Variants in KMO observed in about 807,000 individuals in gnomAD.
KMO encodes kynurenine 3-monooxygenase.
Under a neutral mutation model 57.8 loss-of-function variants are expected in KMO, and 24 were observed. The observed-to-expected ratio is 0.42, with a 90% CI of 0.30 to 0.58. KMO has a LOEUF of 0.58. Among genes scored for constraint, KMO ranks in the 20% least tolerant of loss-of-function variants. The pLI, the probability that KMO is intolerant of heterozygous loss-of-function variation, is 0.22. For synonymous variants in KMO, 210 were observed against 193.6 expected (o/e 1.08, Z -0.70); for missense variants, 483 against 588.2 (o/e 0.82, Z 1.85).
intron 1 of KMO, among the ~76,000 whole-genome samples, chr1:241,534,179 A>T (rs1014695708): frequency 1.3e-5 from 2 of 152,256 alleles, no homozygotes; most frequent in South Asian, 2.1e-4. Flanking sequence ...TTGGACCATT[A>T]TGTGGAGAAT....
intron 8 of KMO, 61 bp from the exon 9 acceptor site, chr1:241,566,430 A>T (rs946546823): frequency 8.5e-5 from 132 of 1,559,774 alleles, no homozygotes; most frequent in Non-Finnish European, 6.9e-6. Flanking sequence ...TTCAGGAGCC[A>T]CCTAGTGCCA....
At chr1:241,537,724 T>C (rs1301554489) in intron 1 of KMO, among the ~76,000 whole-genome samples, 2 of 152,084 alleles carry the variant, frequency 1.3e-5, no homozygotes, top group African/African-American at 4.8e-5. Flanking sequence ...ATGTCTTACA[T>C]GGTGGCAGGC....
intron 1 of KMO, 84 bp from the exon 2 acceptor site, chr1:241,548,745 C>T (rs1661250612): frequency 2.6e-6 from 2 of 774,048 alleles, no homozygotes; most frequent in African/African-American, 3.5e-5. Context: ...TAAAACATAG[C>T]CTCACATGAT....
intron 1 of KMO, among the ~76,000 whole-genome samples, chr1:241,536,167 C>T (rs1443344166): frequency 3.3e-5 from 5 of 151,782 alleles, no homozygotes; most frequent in African/African-American, 1.2e-4. Flanking sequence ...CAATGAGTAA[C>T]TTAAAAAAGG....
chr1:241,571,732 G>A (rs936872540), intron 10 of KMO, among the ~76,000 whole-genome samples: 1 of 151,918 alleles, frequency 6.6e-6, no homozygotes, highest in Non-Finnish European at 1.5e-5. Flanking sequence ...AGAGATATTG[G>A]CATGCAGTTT....
At chr1:241,542,775 A>C (rs887049135) in intron 1 of KMO, among the ~76,000 whole-genome samples, 1 of 152,234 alleles carries the variant, frequency 6.6e-6, no homozygotes, top group Non-Finnish European at 1.5e-5. Flanking sequence ...TGCGCTTAGC[A>C]TGCTTTACAC....
At position 241,561,548 on chromosome 1, in the gene KMO, T is replaced by C. The variant is rs369335773; in HGVS notation, c.450-619T>C. ...TCTCATTCCTGCACATGTAATATAA[T>C]GTGTTGCCATCACCTCATCCCTGTT... On this transcript the variant is annotated intron_variant, in intron 6 of 14. Transcript: ENST00000366559. Among the ~76,000 whole-genome samples, 7 of 152,336 alleles carry C rather than the reference T, an allele frequency of 4.6e-5. No individual in the cohort carries two copies. The South Asian group carries it at 1.5e-3, about 32-fold the overall frequency.
intron 1 of KMO, among the ~76,000 whole-genome samples, chr1:241,539,782 G>C (rs949820469): frequency 1.3e-5 from 2 of 152,148 alleles, no homozygotes; most frequent in African/African-American, 4.8e-5. Context: ...AGGAGCCAAC[G>C]GGGCAGGTAG....
chr1:241,557,722 G>A (rs1385854617), intron 5 of KMO, among the ~76,000 whole-genome samples: 2 of 152,162 alleles, frequency 1.3e-5, no homozygotes, highest in African/African-American at 4.8e-5. Context: ...CAGCACCTTG[G>A]TAGGCTGAGG....
chr1:241,559,166 C>A (rs537621863), intron 5 of KMO, among the ~76,000 whole-genome samples: 14 of 151,746 alleles, frequency 9.2e-5, no homozygotes, highest in Non-Finnish European at 1.6e-4. Context: ...TAATCAATAT[C>A]AGAAAGTTAT....
Position 241,592,361 on chromosome 1 carries a change from TACAC to T in KMO, c.*213_*216del. 1 of 571,926 alleles carries T rather than the reference TACAC, an allele frequency of 1.7e-6. No homozygotes were observed. The highest frequency in any genetic ancestry group is 1.9e-5 in the African/African-American group (1 of 53,370). The allele number at this position is 571,926 out of a possible 1,614,324, so 35.4% of individuals were successfully genotyped here. ...GATGAAACATGCAGCTTCCCTACAT[TACAC>T]ACACTCAGGTTGAGTCATTCTAACT... is the stretch of plus-strand genomic sequence containing the variant. On this transcript the variant is annotated 3_prime_UTR_variant, in exon 15 of 15. Transcript: ENST00000366559.
rs115683925 is a variant in KMO at position 241,554,127 on chromosome 1, T to C, written c.313-1485T>C. Among the ~76,000 whole-genome samples the C allele has an allele frequency of 2.9e-3, 444 of 152,332 alleles. 2 individuals are homozygous for C. Among genetic ancestry groups the C allele is most frequent in the African/African-American group, 0.01 (423 of 41,576 alleles). The stretch of plus-strand genomic sequence containing the variant: ...ATGGGCTCCTTTTCTAGAAAAAGGA[T>C]AAATATTAAAAATTAGATTTTATGG... On this transcript the variant is annotated intron_variant, in intron 4 of 14. Coordinates refer to ENST00000366559, the MANE Select transcript of KMO (RefSeq NM_003679.5).
chr1:241,572,262 T>A (rs542602166), intron 10 of KMO, among the ~76,000 whole-genome samples: 80 of 152,274 alleles, frequency 5.3e-4, no homozygotes, highest in African/African-American at 1.9e-3. Flanking sequence ...ACTGCTTCTA[T>A]CTTGTTACTT....
chr1:241,588,932 A>G (rs539834531), intron 12 of KMO, 102 bp downstream of exon 12: 5 of 758,096 alleles, frequency 6.6e-6, no homozygotes, highest in East Asian at 2.6e-5. Flanking sequence ...CATGCATGCT[A>G]TATAAGAATA....
chr1:241,592,752 T>C lies in KMO; in HGVS notation c.*599T>C, dbSNP rs2147989964. The C allele has an allele frequency of 7.7e-6, 1 of 130,254 alleles. No individual in the cohort carries two copies. Among genetic ancestry groups the C allele is most frequent in the East Asian group, 2.4e-4 (1 of 4,222 alleles). 8.1% of individuals were successfully genotyped at this position (130,254 alleles called of 1,614,324 possible). A position where few individuals can be genotyped will look rare whatever the true frequency, so the allele number is the denominator to read the frequency against. The stretch of plus-strand genomic sequence containing the variant: ...TCTATCTATCATCTATCTATCTATC[T>C]ATCATCTATCTATCTATCTATCTAT... On this transcript the variant is annotated 3_prime_UTR_variant, in exon 15 of 15. Coordinates refer to ENST00000366559, the MANE Select transcript of KMO (RefSeq NM_003679.5).
intron 12 of KMO, 121 bp downstream of exon 12, chr1:241,588,951 T>A: frequency 3.0e-6 from 2 of 668,158 alleles, no homozygotes; most frequent in East Asian, 2.8e-5. Context: ...TACCTACAGA[T>A]AAGAAAACAC....
rs762824099 is a variant in KMO, at chr1:241,594,592, G to A, written c.*2439G>A. On this transcript the variant is annotated 3_prime_UTR_variant, in exon 15 of 15. Transcript: ENST00000366559. ...CCATCTTTCTGTGACATCACAATGG[G>A]TCTGATCTGCATTTCACTTCCAGCT... 1 of 1,614,122 alleles carries A rather than the reference G, an allele frequency of 6.2e-7. No individual in the cohort carries two copies. Among genetic ancestry groups the A allele is most frequent in the Non-Finnish European group, 8.5e-7 (1 of 1,180,002 alleles).
intron 10 of KMO, among the ~76,000 whole-genome samples, chr1:241,572,722 G>A (rs1178667689): frequency 6.6e-6 from 1 of 152,020 alleles, no homozygotes; most frequent in Non-Finnish European, 1.5e-5. Flanking sequence ...GGTGAAGTCT[G>A]AGATTTTAGT....
intron 1 of KMO, among the ~76,000 whole-genome samples, chr1:241,544,049 C>G (rs994591834): frequency 4.6e-5 from 7 of 152,176 alleles, no homozygotes; most frequent in Non-Finnish European, 8.8e-5. Flanking sequence ...TCACTGAGAG[C>G]TTTGTTTGCA....
Sources: gnomAD v4.1 joint callset for allele counts (sites outside exome capture counted in the v4.1 genomes callset) on GRCh38, gnomAD v4.1.1 for gene constraint, MANE v1.5 for transcripts, NCBI Gene and HGNC (gene_info 2026-07-23, HGNC 2026-07-21) for gene names.